The following DRGX variants were observed in gnomAD, a reference collection of about 807,000 sequenced individuals.
The protein encoded by DRGX is dorsal root ganglia homeobox.
A neutral mutation model predicts 28.6 loss-of-function variants in DRGX; 21 were observed. The ratio of observed to expected loss-of-function variants is 0.73; its 90% CI spans 0.52 to 1.06. DRGX has a LOEUF of 1.06. Ranked by LOEUF, DRGX falls within the 50% of genes least tolerant of loss-of-function variation. The probability of loss-of-function intolerance (pLI) is 0.00; values close to 1 mark genes in which losing one functional copy is unlikely to be tolerated. For synonymous variants in DRGX, 136 were observed against 139.1 expected (o/e 0.98, Z 0.16); for missense variants, 354 against 343.9 (o/e 1.03, Z -0.23).
At chr10:49,379,390 A>G (rs967059734) in intron 6 of DRGX, among the ~76,000 whole-genome samples, 18 of 152,206 alleles carry the variant, frequency 1.2e-4, no homozygotes, top group African/African-American at 4.1e-4. Flanking sequence ...TGAATATTCT[A>G]TTTTACAATA....
At chr10:49,381,520 T>C (rs754464353) in intron 6 of DRGX, among the ~76,000 whole-genome samples, 1 of 152,214 alleles carries the variant, frequency 6.6e-6, no homozygotes, top group Non-Finnish European at 1.5e-5. Context: ...TCTCTCAATA[T>C]GTGGAGGCTC....
intron 6 of DRGX, among the ~76,000 whole-genome samples, chr10:49,371,854 G>T (rs1849663086): frequency 6.6e-6 from 1 of 150,422 alleles, no homozygotes; most frequent in South Asian, 2.1e-4. Context: ...CAGCTACTAG[G>T]ACCCTCACCA....
intron 6 of DRGX, among the ~76,000 whole-genome samples, chr10:49,378,112 AT>A (rs1849735101): frequency 6.6e-6 from 1 of 152,212 alleles, no homozygotes; most frequent in Non-Finnish European, 1.5e-5. Context: ...AAGAAAAAAA[AT>A]CATGCAGTCA....
At chr10:49,390,409 C>T (rs1849889611) in intron 3 of DRGX, among the ~76,000 whole-genome samples, 175 bp from the exon 4 acceptor site, 3 of 152,112 alleles carry the variant, frequency 2.0e-5, no homozygotes, top group Non-Finnish European at 2.9e-5. Context: ...ATTTCAACCG[C>T]GGATGACTTA....
intron 6 of DRGX, among the ~76,000 whole-genome samples, chr10:49,381,264 C>A (rs375220628): frequency 2.6e-5 from 4 of 152,344 alleles, no homozygotes; most frequent in African/African-American, 7.2e-5. Context: ...GCCATCCAGG[C>A]GCCCACCTGG....
At chr10:49,389,810 T>C (rs371150188) in intron 4 of DRGX, among the ~76,000 whole-genome samples, 1 of 151,934 alleles carries the variant, frequency 6.6e-6, no homozygotes, top group Non-Finnish European at 1.5e-5. Context: ...GCTTTTAGAA[T>C]AGCATCTCAG....
intron 6 of DRGX, among the ~76,000 whole-genome samples, chr10:49,384,929 G>GAGA (rs1849815311): frequency 3.3e-5 from 5 of 152,186 alleles, no homozygotes; most frequent in Non-Finnish European, 1.5e-5. Context: ...ATTTGTAAAA[G>GAGA]AGAAGATGAC....
Position 49,386,515 on chromosome 10 carries a change from G to T in DRGX, c.489C>A (p.Thr163=), listed in dbSNP as rs370753569. The change falls in exon 6 of 7, where the codon ACC becomes ACA. Residue 163 remains threonine, a synonymous_variant. Transcript: ENST00000374139. ...CCACATGGGACAAGGCCTGGGCGTA[G>T]GTGGCCGTGTTCAGGAGAGTCCCCG... ...CLPGTLLNTA[T]YAQALSHVAS... 8.8e-6 allele frequency: 14 copies of T among 1,587,508 alleles called. No individual in the cohort carries two copies. In the African/African-American group the frequency reaches 1.7e-4, roughly 20 times the overall value.
At chr10:49,385,390 G>A (rs886853221) in intron 6 of DRGX, among the ~76,000 whole-genome samples, 1 of 152,124 alleles carries the variant, frequency 6.6e-6, no homozygotes, top group African/African-American at 2.4e-5. Flanking sequence ...CCCCTGCTGG[G>A]CACCCTCACC....
At chr10:49,379,120 A>T (rs1849746863) in intron 6 of DRGX, among the ~76,000 whole-genome samples, 1 of 152,358 alleles carries the variant, frequency 6.6e-6, no homozygotes, top group African/African-American at 2.4e-5. Context: ...GAAATCCAAA[A>T]AAAATGCAAA....
intron 6 of DRGX, among the ~76,000 whole-genome samples, chr10:49,376,612 C>T (rs1178450240): frequency 6.6e-6 from 1 of 152,198 alleles, no homozygotes; most frequent in African/African-American, 2.4e-5. Flanking sequence ...ATTACGAGAA[C>T]TTAGGTGGAT....
chr10:49,367,871 C>A (rs768913489), intron 6 of DRGX, among the ~76,000 whole-genome samples: 11 of 152,186 alleles, frequency 7.2e-5, no homozygotes, highest in African/African-American at 2.7e-4. Flanking sequence ...GGGCAGTAAT[C>A]GTGAGACAAA....
Position 49,364,079 on chromosome 10 carries a change from C to T in DRGX, c.*2037G>A, listed in dbSNP as rs998897539. 3.3e-5 allele frequency: 5 copies of T among 152,206 alleles called. No homozygotes were observed. Among genetic ancestry groups the T allele is most frequent in the African/African-American group, 1.2e-4 (5 of 41,448 alleles). The allele number at this position is 152,206 out of a possible 1,614,324, so 9.4% of individuals were successfully genotyped here. ...GCTTTTTCGGTCTTTGTTTTAACTCCTCTAAATTTATTTGGGTATTTAAAC... is the reference window on the plus strand; with the variant it reads ...GCTTTTTCGGTCTTTGTTTTAACTCTTCTAAATTTATTTGGGTATTTAAAC... On this transcript the variant is annotated 3_prime_UTR_variant, in exon 7 of 7. Transcript: ENST00000374139.
rs983499137 is a variant in DRGX, at chr10:49,365,312, T to G, written c.*804A>C. On this transcript the variant is annotated 3_prime_UTR_variant, in exon 7 of 7. Coordinates refer to ENST00000374139, the MANE Select transcript of DRGX (RefSeq NM_001276451.2). Reference sequence around the variant, plus strand: ...GACCAGAGAGCTGCTTTTCAGTTGCTTAACTTCCCACCAATCCACAGGTCT... The same window carrying G: ...GACCAGAGAGCTGCTTTTCAGTTGCGTAACTTCCCACCAATCCACAGGTCT... 1 of 152,290 alleles carries G rather than the reference T, an allele frequency of 6.6e-6. No homozygotes were observed. Among genetic ancestry groups the G allele is most frequent in the Non-Finnish European group, 1.5e-5 (1 of 68,116 alleles). 9.4% of individuals were successfully genotyped at this position (152,290 alleles called of 1,614,324 possible).
intron 3 of DRGX, 129 bp from the exon 4 acceptor site, chr10:49,390,363 G>A: frequency 1.3e-6 from 1 of 774,714 alleles, no homozygotes. Flanking sequence ...AGGACAGGGA[G>A]AAGAGAGCTC....
chr10:49,391,142 A>C (rs772446436), intron 3 of DRGX, 22 bp downstream of exon 3: 2 of 1,612,620 alleles, frequency 1.2e-6, no homozygotes, highest in East Asian at 4.5e-5. Flanking sequence ...CTGATGTTTG[A>C]AAGGAGAATC....
intron 1 of DRGX, 144 bp downstream of exon 1, chr10:49,395,791 C>T (rs1849962455): frequency 2.8e-6 from 1 of 361,186 alleles, no homozygotes; most frequent in Non-Finnish European, 5.1e-6. Flanking sequence ...GGGGTCCCAG[C>T]CAGAAGCCCT....
chr10:49,386,929 G>C, intron 4 of DRGX, 71 bp from the exon 5 acceptor site: 1 of 1,473,120 alleles, frequency 6.8e-7, no homozygotes, highest in Non-Finnish European at 9.0e-7. Flanking sequence ...CCTGGACCCA[G>C]TGCTGGCACT....
chr10:49,370,438 A>G (rs116584269), intron 6 of DRGX, among the ~76,000 whole-genome samples: 5,340 of 152,274 alleles, frequency 0.035, 255 homozygotes, highest in African/African-American at 0.11. Context: ...CACACAGCCC[A>G]ACAGGTGCCG....
Sources: allele counts gnomAD v4.1 joint callset (sites outside exome capture counted in the v4.1 genomes callset), GRCh38; gene constraint gnomAD v4.1.1; transcripts MANE v1.5; gene names NCBI Gene and HGNC (gene_info 2026-07-23, HGNC 2026-07-21).